Variants in STPG1 observed in about 807,000 individuals in gnomAD.
STPG1 encodes O(6)-methylguanine-induced apoptosis 2.
STPG1 carries 33 observed loss-of-function variants against 40.1 expected under a neutral mutation model. That is an observed-to-expected ratio of 0.82 (90% CI 0.62 to 1.10). The LOEUF (loss-of-function observed/expected upper bound fraction) is 1.10, where lower values mean the gene tolerates loss of function less well. Ranked by LOEUF, STPG1 falls within the 50% of genes least tolerant of loss-of-function variation. The probability of loss-of-function intolerance (pLI) is 0.00; values close to 1 mark genes in which losing one functional copy is unlikely to be tolerated. For missense variants in STPG1, 396 were observed against 415.1 expected, an observed-to-expected ratio of 0.95 and a Z score of 0.40; for synonymous variants, 150 against 155.0, an observed-to-expected ratio of 0.97 and a Z score of 0.24.
chr1:24,394,045 A>G (rs571670789), intron 2 of STPG1, among the ~76,000 whole-genome samples: 31 of 152,358 alleles, frequency 2.0e-4, no homozygotes, highest in African/African-American at 7.5e-4. Context: ...GGAGCTCTGC[A>G]ACGGGGTCCC....
rs564024150 is a variant in STPG1, at chr1:24,360,892, C to A, written c.887G>T (p.Arg296Leu). 2 of 1,613,492 alleles carry A rather than the reference C, an allele frequency of 1.2e-6. No individual in the cohort carries two copies. Among genetic ancestry groups the A allele is most frequent in the Admixed American group, 1.7e-5 (1 of 59,932 alleles). The change falls in exon 8 of 9, where the codon CGG (arginine) becomes CTG (leucine). Residue 296 changes from arginine to leucine, a missense_variant. Transcript: ENST00000337248. ...TGGCTGAGGCGGCGCCGCTGTCCAC[C>A]GGCTGGTATTGGACACGAATGATGC... ...SSASFVSNTS[R>L]WTAAPPQPGL...
At chr1:24,366,806 C>T (rs2148682832) in intron 7 of STPG1, among the ~76,000 whole-genome samples, 1 of 152,268 alleles carries the variant, frequency 6.6e-6, no homozygotes, top group Admixed American at 6.5e-5. Context: ...GCCAGCTATA[C>T]AAATGTCGTG....
intron 2 of STPG1, 163 bp downstream of exon 2, chr1:24,401,156 C>A (rs1016188193): frequency 6.1e-6 from 3 of 490,578 alleles, no homozygotes; most frequent in African/African-American, 5.8e-5. Context: ...TCTTCCCAAT[C>A]GTCACACTTG....
Position 24,405,904 on chromosome 1 carries a change from T to C in STPG1, c.-68-4448A>G, listed in dbSNP as rs571122475. ...TCTATCCTTTTACTTTTAACCTGCT[T>C]GTGTCTTTATATTTAATTATTGAGT... On this transcript the variant is annotated intron_variant, in intron 1 of 8. Coordinates refer to ENST00000337248, the MANE Select transcript of STPG1 (RefSeq NM_001199013.2). Among the ~76,000 whole-genome samples, 12 of 152,264 alleles carry C rather than the reference T, an allele frequency of 7.9e-5. No homozygotes were observed. In the East Asian group the frequency reaches 2.3e-3, roughly 29 times the overall value.
Position 24,399,984 on chromosome 1 carries a change from C to T in STPG1, c.70+1335G>A, listed in dbSNP as rs1488141275. Among the ~76,000 whole-genome samples the T allele has an allele frequency of 6.6e-6, 1 of 152,110 alleles. No homozygotes were observed. The highest frequency in any genetic ancestry group is 1.5e-5 in the Non-Finnish European group (1 of 68,030). On this transcript the variant is annotated intron_variant, in intron 2 of 8. Transcript: ENST00000337248. This position sits in a 1 kb window ranked among gnomAD's most constrained non-coding sequence, Gnocchi z 4.0. ...GTTTGGCAATATCAACTAAGCTTAC[C>T]CTAAACATACCCTATGACCCAGCAG...
intron 4 of STPG1, 94 bp downstream of exon 4, chr1:24,383,808 G>C (rs1642387009): frequency 2.4e-6 from 2 of 836,406 alleles, no homozygotes; most frequent in Non-Finnish European, 4.1e-6. Context: ...TAGGCCTTTG[G>C]AGAGAAAGGA....
chr1:24,406,220 T>C (rs1016469827), intron 1 of STPG1, among the ~76,000 whole-genome samples: 1 of 152,124 alleles, frequency 6.6e-6, no homozygotes, highest in African/African-American at 2.4e-5. Context: ...TACTTATGTA[T>C]AGTGATTAAG....
Position 24,379,820 on chromosome 1 carries a change from C to T in STPG1, c.295G>A (p.Ala99Thr), listed in dbSNP as rs776972860. ...KGTCMFPSMC[A>T]RLDTIISKYP... ...TTAGAAATGATGGTGTCCAATCGGG[C>T]GCACTGTAAGGAGACAACCAAAGGA... Residue 99 changes from alanine to threonine, a missense_variant, in exon 5 of 9, where the codon GCC becomes ACC. Transcript: ENST00000337248. The T allele has an allele frequency of 1.1e-5, 17 of 1,613,540 alleles. No individual in the cohort carries two copies. The highest frequency in any genetic ancestry group is 4.5e-5 in the East Asian group (2 of 44,888).
chr1:24,365,264 A>G (rs970159122), intron 7 of STPG1, among the ~76,000 whole-genome samples: 3 of 152,228 alleles, frequency 2.0e-5, no homozygotes, highest in African/African-American at 2.4e-5. Context: ...GTGCAAATCC[A>G]GTGGCTTAAA....
At chr1:24,364,625 G>C (rs1410294040) in intron 7 of STPG1, 2 of 490,558 alleles carry the variant, frequency 4.1e-6, no homozygotes, top group East Asian at 8.1e-5. Flanking sequence ...ATGTAAAGGA[G>C]CCCAGGCATC....
intron 1 of STPG1, among the ~76,000 whole-genome samples, chr1:24,407,115 T>C (rs1296294534): frequency 2.0e-5 from 3 of 152,194 alleles, no homozygotes; most frequent in Non-Finnish European, 4.4e-5. Flanking sequence ...TACTTTCTAT[T>C]TCTATTACTT....
chr1:24,360,759 C>A, intron 8 of STPG1, 92 bp downstream of exon 8: 1 of 1,187,274 alleles, frequency 8.4e-7, no homozygotes, highest in Admixed American at 2.4e-5. Flanking sequence ...ATTTGGGAAA[C>A]AACCTATAAA....
intron 5 of STPG1, 88 bp downstream of exon 5, chr1:24,379,565 A>G: frequency 6.8e-7 from 1 of 1,460,312 alleles, no homozygotes; most frequent in Non-Finnish European, 9.6e-7. Context: ...CTGCATTAAA[A>G]TACGATGTCC....
intron 3 of STPG1, among the ~76,000 whole-genome samples, chr1:24,387,325 C>T (rs567209781): frequency 3.5e-4 from 54 of 152,214 alleles, no homozygotes; most frequent in South Asian, 1.0e-3. Flanking sequence ...ATGGGAAATG[C>T]GCAGATTTGA....
In STPG1 at chr1:24,360,987, T is replaced by C; in HGVS notation, c.792A>G (p.Pro264=). 1 of 1,613,588 alleles carries C rather than the reference T, an allele frequency of 6.2e-7. No individual in the cohort carries two copies. Among genetic ancestry groups the C allele is most frequent in the Non-Finnish European group, 8.5e-7 (1 of 1,179,798 alleles). The change falls in exon 8 of 9, where the codon CCA becomes CCG. Residue 264 remains proline (P), a synonymous_variant. Transcript: ENST00000337248. ...CATACTGACCAGGACCTGGGAAAGG[T>C]GGCTTCGGAGGCAGAGGCGAAGGCT... ...SAQPSPLPPK[P]PFPGPGQYEI...
chr1:24,412,575 T>C (rs910135966), intron 1 of STPG1, among the ~76,000 whole-genome samples: 2 of 152,178 alleles, frequency 1.3e-5, no homozygotes, highest in African/African-American at 2.4e-5. Context: ...ATTTGCTCAA[T>C]TGGCCAGGCA....
rs534880252 is a variant in STPG1, at chr1:24,379,501, T to G, written c.462+152A>C. On this transcript the variant is annotated intron_variant, in intron 5 of 8. Transcript: ENST00000337248. Reference sequence around the variant, plus strand: ...GTCTGCAAATTCCCTGTAAGAGTCTTGTACAGCCTTAGGCACCCATTGGGT... The same window carrying G: ...GTCTGCAAATTCCCTGTAAGAGTCTGGTACAGCCTTAGGCACCCATTGGGT... 5.1e-6 allele frequency: 4 copies of G among 785,878 alleles called. No individual in the cohort carries two copies. The South Asian group carries it at 7.0e-5, about 14-fold the overall frequency. 48.7% of individuals were successfully genotyped at this position (785,878 alleles called of 1,614,324 possible).
At chr1:24,386,089 C>T (rs753182373) in intron 3 of STPG1, among the ~76,000 whole-genome samples, 6 of 152,186 alleles carry the variant, frequency 3.9e-5, no homozygotes, top group East Asian at 1.9e-4. Context: ...ACCTAAATGC[C>T]GGCTCCATCC....
intron 7 of STPG1, among the ~76,000 whole-genome samples, chr1:24,365,566 C>A (rs1419610598): frequency 6.6e-6 from 1 of 152,238 alleles, no homozygotes; most frequent in Non-Finnish European, 1.5e-5. Context: ...ATGGCATGAC[C>A]TTTAGCTAAG....
Sources: allele counts gnomAD v4.1 joint callset (sites outside exome capture counted in the v4.1 genomes callset), GRCh38; gene constraint gnomAD v4.1.1; non-coding constraint Gnocchi (gnomAD v3.1); transcripts MANE v1.5; gene names NCBI Gene and HGNC (gene_info 2026-07-23, HGNC 2026-07-21).